GRIP1: variants seen among roughly 807,000 people sequenced by gnomAD.
The protein encoded by GRIP1 is glutamate receptor interacting protein 1, also known as glutamate receptor-interacting protein 1.
Under a neutral mutation model 129.9 loss-of-function variants are expected in GRIP1, and 45 were observed. That is an observed-to-expected ratio of 0.35 (90% CI 0.27 to 0.44). The LOEUF (loss-of-function observed/expected upper bound fraction) is 0.44. Ranked by LOEUF, GRIP1 falls within the 20% of genes least tolerant of loss-of-function variation. GRIP1 has a pLI of 1.00. For missense variants in GRIP1, 1,196 were observed against 1,396.8 expected (o/e 0.86, Z 2.29); for synonymous variants, 530 against 520.8 (o/e 1.02, Z -0.24).
chr12:67,066,884 A>ATATT (rs1320181433), intron 1 of GRIP1, among the ~76,000 whole-genome samples: 1 of 66,142 alleles, frequency 1.5e-5, no homozygotes. Context: ...GTTTAAATAT[A>ATATT]TATTTATATA....
intron 14 of GRIP1, among the ~76,000 whole-genome samples, chr12:66,430,416 G>A (rs1052511346): frequency 2.0e-5 from 3 of 152,136 alleles, no homozygotes; most frequent in South Asian, 2.1e-4. Context: ...CCATGAATGC[G>A]TTTGCTTGTG....
At chr12:66,598,901 A>C (rs2064163290) in intron 1 of GRIP1, among the ~76,000 whole-genome samples, 1 of 152,216 alleles carries the variant, frequency 6.6e-6, no homozygotes, top group Non-Finnish European at 1.5e-5. Flanking sequence ...TATAAAGGGC[A>C]ATAAGAGATT....
intron 1 of GRIP1, among the ~76,000 whole-genome samples, chr12:66,684,278 T>C (rs1344185109): frequency 6.6e-6 from 1 of 152,188 alleles, no homozygotes; most frequent in Non-Finnish European, 1.5e-5. Flanking sequence ...GCAGGTGGAA[T>C]TGGGATTAAC....
chr12:66,780,367 A>G (rs1242243441), intron 1 of GRIP1, among the ~76,000 whole-genome samples: 1 of 152,172 alleles, frequency 6.6e-6, no homozygotes, highest in African/African-American at 2.4e-5. Context: ...GAAAATACCC[A>G]AGTCAAAGCC....
At chr12:66,879,248 A>C (rs2040433237) in intron 1 of GRIP1, among the ~76,000 whole-genome samples, 1 of 150,782 alleles carries the variant, frequency 6.6e-6, no homozygotes, top group Non-Finnish European at 1.5e-5. Context: ...TTTTATTTGC[A>C]AGTCTGAAGT....
intron 15 of GRIP1, among the ~76,000 whole-genome samples, chr12:66,420,502 A>C (rs945694865): frequency 6.6e-6 from 1 of 151,524 alleles, no homozygotes; most frequent in African/African-American, 2.4e-5. Flanking sequence ...GACCCTAAGA[A>C]ATGTTTTCAG....
At chr12:66,964,650 C>T (rs73132091) in intron 1 of GRIP1, among the ~76,000 whole-genome samples, 4,682 of 152,202 alleles carry the variant, frequency 0.031, 110 homozygotes, top group Middle Eastern at 0.044. Flanking sequence ...CATGAGGCTC[C>T]CAAAGCAACT....
chr12:66,866,080 A>G (rs1274607583), intron 1 of GRIP1, among the ~76,000 whole-genome samples: 1 of 152,144 alleles, frequency 6.6e-6, no homozygotes, highest in East Asian at 1.9e-4. Context: ...GATGTCCCCA[A>G]TTTGATGGCT....
rs560459363 is a variant in GRIP1, at chr12:66,603,909, G to A, written c.56-6982C>T. 2.0e-5 allele frequency among the ~76,000 whole-genome samples: 3 copies of A among 152,296 alleles called. No individual in the cohort carries two copies. The East Asian group carries it at 5.8e-4, about 29-fold the overall frequency. Reference sequence around the variant, plus strand: ...GACTGATTGTAATAATAATCTATTAGTCAATTTACATTTTAAGGTGGAGAG... The same window carrying A: ...GACTGATTGTAATAATAATCTATTAATCAATTTACATTTTAAGGTGGAGAG... On this transcript the variant is annotated intron_variant, in intron 1 of 24. Coordinates refer to ENST00000359742, the MANE Select transcript of GRIP1 (RefSeq NM_001366722.1).
chr12:66,846,332 T>C (rs1384455174), intron 1 of GRIP1, among the ~76,000 whole-genome samples: 1 of 152,146 alleles, frequency 6.6e-6, no homozygotes, highest in African/African-American at 2.4e-5. Flanking sequence ...CAGGGCCTCT[T>C]CCAGTTTTGT....
intron 1 of GRIP1, among the ~76,000 whole-genome samples, chr12:66,976,378 T>C (rs1180684317): frequency 6.6e-6 from 1 of 152,218 alleles, no homozygotes; most frequent in Non-Finnish European, 1.5e-5. Context: ...ATTTTTCTGT[T>C]AGAAAGCTGG....
chr12:66,566,961 G>T (rs535745677), intron 2 of GRIP1, among the ~76,000 whole-genome samples: 1 of 152,080 alleles, frequency 6.6e-6, no homozygotes. Flanking sequence ...TTGTATTTCC[G>T]TAGGATCAGT....
chr12:66,524,548 T>C (rs2061151418), intron 5 of GRIP1, among the ~76,000 whole-genome samples: 1 of 152,036 alleles, frequency 6.6e-6, no homozygotes, highest in African/African-American at 2.4e-5. Context: ...GGGAAATTTA[T>C]AGCACTAAAT....
intron 7 of GRIP1, among the ~76,000 whole-genome samples, chr12:66,509,826 AG>A (rs2060643588): frequency 6.6e-6 from 1 of 152,104 alleles, no homozygotes; most frequent in South Asian, 2.1e-4. Flanking sequence ...AGCATCAGGA[AG>A]AATAGCTACT....
chr12:66,616,692 A>G (rs1234302007), intron 1 of GRIP1, among the ~76,000 whole-genome samples: 2 of 152,132 alleles, frequency 1.3e-5, no homozygotes, highest in African/African-American at 4.8e-5. Context: ...ACAAAAGGTG[A>G]GGGAGGGACA....
intron 1 of GRIP1, among the ~76,000 whole-genome samples, chr12:66,673,888 T>C (rs2034202174): frequency 6.6e-6 from 1 of 152,186 alleles, no homozygotes; most frequent in Admixed American, 6.5e-5. Flanking sequence ...ACTTACTTTG[T>C]GAAATATCTA....
intron 2 of GRIP1, chr12:66,563,883 A>AT (rs2062632139): frequency 6.6e-6 from 1 of 152,496 alleles, no homozygotes; most frequent in Non-Finnish European, 1.5e-5. Context: ...AGGTTCTCCC[A>AT]AAGGGAGAAT....
intron 9 of GRIP1, among the ~76,000 whole-genome samples, chr12:66,459,052 TTGTC>T (rs1288113465): frequency 2.0e-5 from 3 of 152,372 alleles, no homozygotes; most frequent in South Asian, 2.1e-4. Flanking sequence ...TTTTTAATGT[TTGTC>T]TGTCTGTACT....
intron 1 of GRIP1, among the ~76,000 whole-genome samples, chr12:66,905,928 A>G (rs1333143245): frequency 6.6e-6 from 1 of 152,160 alleles, no homozygotes; most frequent in African/African-American, 2.4e-5. Context: ...TTAAAGGAAC[A>G]TTTTCTGCAC....
Sources: allele counts gnomAD v4.1 joint callset (sites outside exome capture counted in the v4.1 genomes callset), GRCh38; gene constraint gnomAD v4.1.1; transcripts MANE v1.5; gene names NCBI Gene and HGNC (gene_info 2026-07-23, HGNC 2026-07-21).